DLG2: variants seen among roughly 807,000 people sequenced by gnomAD.
DLG2 encodes discs large MAGUK scaffold protein 2.
Under a neutral mutation model 132.5 loss-of-function variants are expected in DLG2, and 45 were observed. The observed-to-expected ratio is 0.34, with a 90% CI of 0.27 to 0.44. DLG2 has a LOEUF of 0.44. Ranked by LOEUF, DLG2 falls within the 20% of genes least tolerant of loss-of-function variation. DLG2 has a pLI of 1.00. For missense variants in DLG2, 1,045 were observed against 1,196.9 expected, an observed-to-expected ratio of 0.87 and a Z score of 1.87; for synonymous variants, 424 against 419.6, an observed-to-expected ratio of 1.01 and a Z score of -0.13.
chr11:85,248,331 T>A (rs1428307142), intron 4 of DLG2, among the ~76,000 whole-genome samples: 1 of 152,152 alleles, frequency 6.6e-6, no homozygotes, highest in African/African-American at 2.4e-5. Flanking sequence ...GTAAAAAGCA[T>A]TGAGATCATT....
At chr11:85,431,949 C>T (rs1400150298) in intron 3 of DLG2, among the ~76,000 whole-genome samples, 2 of 152,146 alleles carry the variant, frequency 1.3e-5, no homozygotes, top group Admixed American at 6.5e-5. Context: ...GTCAGGAACC[C>T]AGAGGAAGGA....
chr11:84,373,349 C>A (rs1567449858), intron 7 of DLG2, among the ~76,000 whole-genome samples: 1 of 148,938 alleles, frequency 6.7e-6, no homozygotes, highest in Non-Finnish European at 1.5e-5. Flanking sequence ...GCAGGTAGAT[C>A]ACCTAAGCTC....
intron 19 of DLG2, among the ~76,000 whole-genome samples, chr11:83,578,744 GA>G (rs2096922745): frequency 6.6e-6 from 1 of 152,064 alleles, no homozygotes; most frequent in South Asian, 2.1e-4. Flanking sequence ...CAAAATACAT[GA>G]AACAAAAATG....
At chr11:83,895,822 A>G (rs1168899231) in intron 15 of DLG2, among the ~76,000 whole-genome samples, 1 of 152,150 alleles carries the variant, frequency 6.6e-6, no homozygotes, top group Non-Finnish European at 1.5e-5. Context: ...CTATTTTAAA[A>G]ATGTCTTTTT....
intron 16 of DLG2, among the ~76,000 whole-genome samples, chr11:83,848,897 G>A (rs562251787): frequency 6.6e-6 from 1 of 152,128 alleles, no homozygotes; most frequent in African/African-American, 2.4e-5. Context: ...AATTCCACAG[G>A]CACATTTAGC....
intron 6 of DLG2, among the ~76,000 whole-genome samples, chr11:85,067,802 G>A (rs1461744599): frequency 2.6e-5 from 4 of 152,030 alleles, no homozygotes; most frequent in Non-Finnish European, 5.9e-5. Context: ...CTCATTTTAT[G>A]AGGCCAGCAT....
chr11:83,797,389 T>C lies in DLG2; in HGVS notation c.1723-10597A>G, dbSNP rs146809356. On this transcript the variant is annotated intron_variant, in intron 17 of 27. Coordinates refer to ENST00000376104, the MANE Select transcript of DLG2 (RefSeq NM_001142699.3). ...GTAAGAACACACAACAATCCCCATTTTACAGAGGTGGTAACTGAGGCACAG... is the reference window on the plus strand; with the variant it reads ...GTAAGAACACACAACAATCCCCATTCTACAGAGGTGGTAACTGAGGCACAG... Among the ~76,000 whole-genome samples, 420 of 152,294 alleles carry C rather than the reference T, an allele frequency of 2.8e-3. 3 individuals carry two copies. The highest frequency in any genetic ancestry group is 0.01 in the Middle Eastern group (3 of 294).
chr11:84,152,972 G>GT (rs2095338643), intron 9 of DLG2, among the ~76,000 whole-genome samples: 1 of 152,166 alleles, frequency 6.6e-6, no homozygotes, highest in African/African-American at 2.4e-5. Context: ...TGTTGCTGTG[G>GT]TAACAGGTAT....
intron 3 of DLG2, among the ~76,000 whole-genome samples, chr11:85,583,128 G>GTATA (rs1288807092): frequency 3.5e-3 from 96 of 27,412 alleles, no homozygotes; most frequent in Non-Finnish European, 5.0e-3. Flanking sequence ...GTGTGTGTGT[G>GTATA]TGTATATATA....
At chr11:84,174,933 C>A (rs184228001) in intron 8 of DLG2, among the ~76,000 whole-genome samples, 1 of 152,240 alleles carries the variant, frequency 6.6e-6, no homozygotes, top group East Asian at 1.9e-4. Flanking sequence ...GAGAGCTTAG[C>A]ATTTTAATGT....
rs7940526 is a variant in DLG2, at chr11:84,226,174, T to G, written c.573+25064A>C. The stretch of plus-strand genomic sequence containing the variant: ...TTTAAAATTTGGTTAGACTTCTAAC[T>G]AATTTTTAACCAGGGTTCGCACATT... On this transcript the variant is annotated intron_variant, in intron 8 of 27. Coordinates refer to ENST00000376104, the MANE Select transcript of DLG2 (RefSeq NM_001142699.3). 1.0e-3 allele frequency among the ~76,000 whole-genome samples: 152 copies of G among 152,372 alleles called. 1 individual carries two copies. The highest frequency in any genetic ancestry group is 3.4e-3 in the Middle Eastern group (1 of 294).
chr11:84,945,439 G>A (rs1042933862), intron 6 of DLG2, among the ~76,000 whole-genome samples: 3 of 152,136 alleles, frequency 2.0e-5, no homozygotes, highest in South Asian at 2.1e-4. Context: ...GTGCTGAGCT[G>A]CCTGGAGCTA....
intron 6 of DLG2, among the ~76,000 whole-genome samples, chr11:84,585,246 T>TGAGGTA (rs1337147009): frequency 6.6e-6 from 1 of 152,170 alleles, no homozygotes; most frequent in Non-Finnish European, 1.5e-5. Context: ...TCCTCATATA[T>TGAGGTA]GAGGTAGGTA....
intron 8 of DLG2, among the ~76,000 whole-genome samples, chr11:84,163,831 C>A (rs1333324896): frequency 6.6e-6 from 1 of 151,978 alleles, no homozygotes; most frequent in African/African-American, 2.4e-5. Flanking sequence ...GGCAATGATA[C>A]AATTATGAGG....
intron 7 of DLG2, among the ~76,000 whole-genome samples, chr11:84,432,998 T>C (rs2098989295): frequency 6.6e-6 from 1 of 152,156 alleles, no homozygotes; most frequent in Admixed American, 6.5e-5. Context: ...TACTCTAGTC[T>C]GGGCCACAGA....
intron 19 of DLG2, among the ~76,000 whole-genome samples, chr11:83,604,569 G>T (rs2059041829): frequency 6.6e-6 from 1 of 152,106 alleles, no homozygotes; most frequent in Non-Finnish European, 1.5e-5. Flanking sequence ...TATAATAATG[G>T]ATACATGTCA....
intron 12 of DLG2, among the ~76,000 whole-genome samples, chr11:83,966,467 G>A (rs2090223168): frequency 6.6e-6 from 1 of 152,060 alleles, no homozygotes; most frequent in East Asian, 1.9e-4. Context: ...TGACTTCATG[G>A]CAGTGGCATT....
chr11:85,408,417 T>G (rs957153878), intron 3 of DLG2, among the ~76,000 whole-genome samples: 4 of 151,292 alleles, frequency 2.6e-5, no homozygotes, highest in Admixed American at 2.6e-4. Flanking sequence ...TTATTATACT[T>G]TAAGTTTTAG....
intron 18 of DLG2, among the ~76,000 whole-genome samples, chr11:83,639,233 A>G (rs1358495593): frequency 6.6e-6 from 1 of 152,174 alleles, no homozygotes; most frequent in Non-Finnish European, 1.5e-5. Context: ...ATGCCCCTCG[A>G]TCAGTCACGA....
Sources: gnomAD v4.1 joint callset for allele counts (sites outside exome capture counted in the v4.1 genomes callset) on GRCh38, gnomAD v4.1.1 for gene constraint, MANE v1.5 for transcripts, NCBI Gene and HGNC (gene_info 2026-07-23, HGNC 2026-07-21) for gene names.